Variants in VPS13A observed in about 807,000 individuals in gnomAD.
The protein encoded by VPS13A is vacuolar protein sorting 13 homolog A.
Under a neutral mutation model 390.9 loss-of-function variants are expected in VPS13A, and 264 were observed. The observed-to-expected ratio is 0.68, with a 90% CI of 0.61 to 0.75. The LOEUF (loss-of-function observed/expected upper bound fraction) is 0.75. Ranked by LOEUF, VPS13A falls within the 30% of genes least tolerant of loss-of-function variation. The pLI is 0.00. For missense variants in VPS13A, 3,409 were observed against 3,733.9 expected (o/e 0.91, Z 2.27); for synonymous variants, 1,231 against 1,227.1 (o/e 1.00, Z -0.07).
At chr9:77,238,224 ATAATT>A in intron 18 of VPS13A, 33 bp downstream of exon 18, 1 of 1,607,550 alleles carries the variant, frequency 6.2e-7, no homozygotes, top group East Asian at 2.2e-5. Flanking sequence ...AAGTTTTAAT[ATAATT>A]TAGTTTGCTT....
intron 68 of VPS13A, among the ~76,000 whole-genome samples, chr9:77,400,554 G>A (rs60776464): frequency 4.6e-5 from 7 of 151,832 alleles, no homozygotes; most frequent in African/African-American, 7.3e-5. Flanking sequence ...TGGGCCGGGC[G>A]CGGTGGCTCA....
chr9:77,249,753 A>T (rs1825048226), intron 20 of VPS13A, among the ~76,000 whole-genome samples: 1 of 152,252 alleles, frequency 6.6e-6, no homozygotes, highest in Admixed American at 6.5e-5. Context: ...TCATCATGCC[A>T]TAGAAACATT....
chr9:77,207,543 T>G (rs1825753794), intron 5 of VPS13A, among the ~76,000 whole-genome samples: 1 of 151,842 alleles, frequency 6.6e-6, no homozygotes, highest in South Asian at 2.1e-4. Flanking sequence ...TTTATTTATA[T>G]ATAAATAAAG....
chr9:77,341,257 A>AG (rs553358758), intron 50 of VPS13A, among the ~76,000 whole-genome samples: 379 of 152,162 alleles, frequency 2.5e-3, no homozygotes, highest in African/African-American at 8.8e-3. Flanking sequence ...CAGGCGTTCC[A>AG]GGGGGCAACG....
intron 71 of VPS13A, among the ~76,000 whole-genome samples, chr9:77,411,660 CAAAAAAAAAAAAAAAA>C (rs1169254413): frequency 1.2e-4 from 4 of 33,934 alleles, no homozygotes; most frequent in Non-Finnish European, 2.1e-4. Flanking sequence ...AACTCCATCT[CAAAAAAAAAAAAAAAA>C]AAAAAAAAAG....
Position 77,359,395 on chromosome 9 carries a change from CGTATTAAGTAAGT to C in VPS13A, c.8101_8105+8del, listed in dbSNP as rs1318368776. ...ATCTGCAGGACATTCCCAGATATCA[CGTATTAAGTAAGT>C]GTCTTAATACATTTCTTGTATATTT... On this transcript the variant is annotated splice_donor_variant and splice_donor_5th_base_variant and coding_sequence_variant and intron_variant, in exon 58 of 72. Coordinates refer to ENST00000360280, the MANE Select transcript of VPS13A (RefSeq NM_033305.3). LOFTEE classifies it high-confidence loss of function. 1 of 1,610,652 alleles carries C rather than the reference CGTATTAAGTAAGT, an allele frequency of 6.2e-7. No individual in the cohort carries two copies.
rs1018382412 is a variant in VPS13A, at chr9:77,177,572, G to C, written c.-133G>C. ...GCTGGGCTCGCTAGGGCTGCGCGTT[G>C]GGCCAGCGGGGGCGCCGCAGCTGAA... On this transcript the variant is annotated 5_prime_UTR_variant, in exon 1 of 72. Coordinates refer to ENST00000360280, the MANE Select transcript of VPS13A (RefSeq NM_033305.3). 1 of 783,440 alleles carries C rather than the reference G, an allele frequency of 1.3e-6. No individual in the cohort carries two copies. Among genetic ancestry groups the C allele is most frequent in the Non-Finnish European group, 2.1e-6 (1 of 465,638 alleles). The allele number at this position is 783,440 out of a possible 1,614,324, so 48.5% of individuals were successfully genotyped here. A position where few individuals can be genotyped will look rare whatever the true frequency, so the allele number is the denominator to read the frequency against.
At chr9:77,207,410 C>T (rs934372727) in intron 5 of VPS13A, among the ~76,000 whole-genome samples, 1 of 149,492 alleles carries the variant, frequency 6.7e-6, no homozygotes. Context: ...ATATTACACA[C>T]ACATCCTTTT....
chr9:77,393,736 A>G (rs911575996), intron 68 of VPS13A, among the ~76,000 whole-genome samples: 2 of 152,184 alleles, frequency 1.3e-5, no homozygotes, highest in Admixed American at 1.3e-4. Context: ...AATATTTAGT[A>G]AACTTTAAGT....
At chr9:77,273,174 G>T in intron 23 of VPS13A, 106 bp from the exon 24 acceptor site, 7 of 829,682 alleles carry the variant, frequency 8.4e-6, no homozygotes, top group South Asian at 6.8e-5. Context: ...ATTCAAATTG[G>T]ATAGCTTTTT....
At chr9:77,411,660 CAAAAAAAAAAA>C (rs1169254413) in intron 71 of VPS13A, among the ~76,000 whole-genome samples, 15 of 33,920 alleles carry the variant, frequency 4.4e-4, no homozygotes, top group East Asian at 3.2e-3. Flanking sequence ...AACTCCATCT[CAAAAAAAAAAA>C]AAAAAAAAAA....
At chr9:77,222,772 G>T (rs1823294825) in intron 13 of VPS13A, among the ~76,000 whole-genome samples, 1 of 152,136 alleles carries the variant, frequency 6.6e-6, no homozygotes, top group African/African-American at 2.4e-5. Flanking sequence ...ATCCATATAA[G>T]ACAGCTGTTA....
At chr9:77,253,386 ACCTCC>A (rs1334016728) in intron 22 of VPS13A, among the ~76,000 whole-genome samples, 1 of 151,670 alleles carries the variant, frequency 6.6e-6, no homozygotes, top group African/African-American at 2.4e-5. Flanking sequence ...GCTCACTGCT[ACCTCC>A]ACCTCCTGGG....
At position 77,295,595 on chromosome 9, in the gene VPS13A, T is replaced by C; in HGVS notation, c.3561T>C (p.Val1187=). 6.2e-7 allele frequency: 1 copy of C among 1,613,590 alleles called. No individual in the cohort carries two copies. The highest frequency in any genetic ancestry group is 8.5e-7 in the Non-Finnish European group (1 of 1,179,590). The change falls in exon 33 of 72, where the codon GTT becomes GTC. Residue 1187 remains valine, a synonymous_variant. Transcript: ENST00000360280. ...AACAAGCCTTGGCTGAGGCAACTGT[T>C]CAGGCAGCTGGAATGGCTGCTACTG... is the stretch of plus-strand genomic sequence containing the variant. ...AAKQALAEAT[V]QAAGMAATGV... is the part of the protein sequence containing the mutation.
intron 55 of VPS13A, 50 bp from the exon 56 acceptor site, chr9:77,357,642 G>A (rs1294328709): frequency 1.3e-6 from 2 of 1,579,300 alleles, no homozygotes; most frequent in Non-Finnish European, 1.7e-6. Context: ...TCTAATTCTA[G>A]TCATTTATAG....
chr9:77,314,708 T>C, intron 37 of VPS13A, 44 bp downstream of exon 37: 2 of 1,576,626 alleles, frequency 1.3e-6, no homozygotes, highest in South Asian at 1.1e-5. Flanking sequence ...TGAGAAATCG[T>C]TGATATATTT....
At chr9:77,374,008 G>T (rs1211243979) in intron 67 of VPS13A, among the ~76,000 whole-genome samples, 1 of 152,120 alleles carries the variant, frequency 6.6e-6, no homozygotes, top group Non-Finnish European at 1.5e-5. Flanking sequence ...AGTTATCTTA[G>T]TTTAAATACA....
Position 77,177,541 on chromosome 9 carries a change from T to G in VPS13A, c.-164T>G, listed in dbSNP as rs1342340657. 1 of 653,922 alleles carries G rather than the reference T, an allele frequency of 1.5e-6. No individual in the cohort carries two copies. The highest frequency in any genetic ancestry group is 2.7e-6 in the Non-Finnish European group (1 of 368,834). The allele number at this position is 653,922 out of a possible 1,614,324, so 40.5% of individuals were successfully genotyped here. ...CGCGTCGTGAGAGCGACCGCCTCCG[T>G]CTCTCGCTGGGCTCGCTAGGGCTGC... On this transcript the variant is annotated 5_prime_UTR_variant, in exon 1 of 72. Coordinates refer to ENST00000360280, the MANE Select transcript of VPS13A (RefSeq NM_033305.3).
chr9:77,321,439 G>C, intron 43 of VPS13A, 52 bp from the exon 44 acceptor site: 1 of 1,604,768 alleles, frequency 6.2e-7, no homozygotes, highest in African/African-American at 1.3e-5. Flanking sequence ...TGTTCTCCTT[G>C]TCATTTAATT....
Sources: gnomAD v4.1 joint callset for allele counts (sites outside exome capture counted in the v4.1 genomes callset) on GRCh38, gnomAD v4.1.1 for gene constraint, MANE v1.5 for transcripts, NCBI Gene and HGNC (gene_info 2026-07-23, HGNC 2026-07-21) for gene names.